FKBP5: variants seen among roughly 807,000 people sequenced by gnomAD.
FKBP5 encodes peptidyl-prolyl cis-trans isomerase FKBP5.
Under a neutral mutation model 50.5 loss-of-function variants are expected in FKBP5, and 23 were observed. The observed-to-expected ratio is 0.46, with a 90% CI of 0.33 to 0.65. The LOEUF (loss-of-function observed/expected upper bound fraction) is 0.65. Among genes scored for constraint, FKBP5 ranks in the 30% least tolerant of loss-of-function variants. The pLI, the probability that FKBP5 is intolerant of heterozygous loss-of-function variation, is 0.02. For synonymous variants in FKBP5, 176 were observed against 190.6 expected (o/e 0.92, Z 0.63); for missense variants, 411 against 553.1 (o/e 0.74, Z 2.58).
At chr6:35,670,433 A>C (rs1051314035) in intron 1 of FKBP5, among the ~76,000 whole-genome samples, 1 of 152,174 alleles carries the variant, frequency 6.6e-6, no homozygotes, top group African/African-American at 2.4e-5. Flanking sequence ...ATTAACTTAC[A>C]TAAAGTGTAT....
chr6:35,647,258 T>A (rs1581848894), intron 1 of FKBP5, among the ~76,000 whole-genome samples: 1 of 152,286 alleles, frequency 6.6e-6, no homozygotes, highest in East Asian at 1.9e-4. Flanking sequence ...TATTAGACTA[T>A]CCAAATGTTA....
chr6:35,598,827 C>T (rs1763060521), intron 5 of FKBP5, among the ~76,000 whole-genome samples: 1 of 151,838 alleles, frequency 6.6e-6, no homozygotes, highest in Admixed American at 6.6e-5. Context: ...AAAAAATAGC[C>T]AGGTGTGGTG....
At chr6:35,602,730 A>G (rs535207425) in intron 5 of FKBP5, among the ~76,000 whole-genome samples, 1 of 152,214 alleles carries the variant, frequency 6.6e-6, no homozygotes, top group South Asian at 2.1e-4. Context: ...ACTGTTTTGT[A>G]CTACTTAGGA....
intron 6 of FKBP5, among the ~76,000 whole-genome samples, chr6:35,593,422 T>C (rs962503913): frequency 3.9e-5 from 6 of 152,066 alleles, no homozygotes; most frequent in Non-Finnish European, 8.8e-5. Context: ...AGACACAGAG[T>C]GCTTCCTGAG....
intron 5 of FKBP5, among the ~76,000 whole-genome samples, chr6:35,602,993 T>A (rs1160162611): frequency 6.6e-6 from 1 of 152,222 alleles, no homozygotes; most frequent in Non-Finnish European, 1.5e-5. Context: ...TCCAGTCCCA[T>A]TCTGCCACTT....
chr6:35,583,659 G>C (rs531637497), intron 8 of FKBP5: 2 of 886,900 alleles, frequency 2.3e-6, no homozygotes, highest in African/African-American at 3.6e-5. Flanking sequence ...GCATCTAATG[G>C]GCAGAGGCCA....
chr6:35,609,571 C>T (rs1763430173), intron 5 of FKBP5, among the ~76,000 whole-genome samples: 2 of 152,118 alleles, frequency 1.3e-5, no homozygotes, highest in South Asian at 4.1e-4. Flanking sequence ...TCTTAAGAAT[C>T]TTTTTCTTTT....
chr6:35,647,396 G>A (rs1271853621), intron 1 of FKBP5, among the ~76,000 whole-genome samples: 1 of 152,218 alleles, frequency 6.6e-6, no homozygotes, highest in Non-Finnish European at 1.5e-5. Flanking sequence ...GGAAGATGCT[G>A]GGATGACAAG....
At chr6:35,722,644 C>T (rs1447716325) in intron 1 of FKBP5, among the ~76,000 whole-genome samples, 1 of 152,234 alleles carries the variant, frequency 6.6e-6, no homozygotes, top group Non-Finnish European at 1.5e-5. Context: ...CCAGTGCCCA[C>T]CAGAGAACAC....
In FKBP5 at chr6:35,591,537, GT is replaced by G. The variant is rs879860288; in HGVS notation, c.666-318del. Reference sequence around the variant, plus strand: ...TTTTCTCTACTTGATTTCATATCTAGTTTTTTTTTTTTAATAAAATGGCCAT... The same window carrying G: ...TTTTCTCTACTTGATTTCATATCTAGTTTTTTTTTTTAATAAAATGGCCAT... On this transcript the variant is annotated intron_variant, in intron 6 of 10. Coordinates refer to ENST00000357266, the MANE Select transcript of FKBP5 (RefSeq NM_004117.4). 1.6e-3 allele frequency among the ~76,000 whole-genome samples: 233 copies of G among 145,186 alleles called. 1 individual carries two copies. The highest frequency in any genetic ancestry group is 4.5e-3 in the African/African-American group (180 of 39,826).
At chr6:35,601,991 C>T (rs996185189) in intron 5 of FKBP5, among the ~76,000 whole-genome samples, 8 of 152,134 alleles carry the variant, frequency 5.3e-5, no homozygotes, top group Admixed American at 1.3e-4. Context: ...GGAGTGTAAC[C>T]ACATCAAGCG....
intron 1 of FKBP5, among the ~76,000 whole-genome samples, chr6:35,722,923 C>T (rs1766638712): frequency 6.6e-6 from 1 of 152,226 alleles, no homozygotes; most frequent in South Asian, 2.1e-4. Context: ...CACACACACA[C>T]AGTAGGTGCT....
chr6:35,588,803 A>T (rs1235351221), intron 7 of FKBP5, among the ~76,000 whole-genome samples: 1 of 143,806 alleles, frequency 7.0e-6, no homozygotes, highest in Non-Finnish European at 1.5e-5. Context: ...ACGGGGTCTC[A>T]CTATGTTGCT....
chr6:35,629,278 G>T (rs2150982960), intron 3 of FKBP5, among the ~76,000 whole-genome samples: 1 of 152,042 alleles, frequency 6.6e-6, no homozygotes. Context: ...GCTAATTTTT[G>T]TATTTTTTGT....
At chr6:35,703,966 A>T (rs984907631) in intron 2 of FKBP5, among the ~76,000 whole-genome samples, 1 of 152,102 alleles carries the variant, frequency 6.6e-6, no homozygotes, top group African/African-American at 2.4e-5. Context: ...CTGCAATGTG[A>T]TTGTAGCCAC....
At chr6:35,610,468 T>G (rs914041922) in intron 5 of FKBP5, among the ~76,000 whole-genome samples, 1 of 140,692 alleles carries the variant, frequency 7.1e-6, no homozygotes, top group Admixed American at 8.0e-5. Context: ...CTCAGGAGGC[T>G]GAGGCAGGAG....
At chr6:35,640,987 T>A (rs1032345612) in intron 2 of FKBP5, among the ~76,000 whole-genome samples, 2 of 152,108 alleles carry the variant, frequency 1.3e-5, no homozygotes, top group Non-Finnish European at 2.9e-5. Context: ...TTTTGTTTGT[T>A]CATTTGTTTT....
At chr6:35,649,523 T>C (rs944261921) in intron 1 of FKBP5, among the ~76,000 whole-genome samples, 2 of 151,146 alleles carry the variant, frequency 1.3e-5, no homozygotes, top group Admixed American at 6.6e-5. Flanking sequence ...CACTAAGCAG[T>C]GGGGATTCTC....
chr6:35,725,876 G>A (rs1053878691), intron 1 of FKBP5, among the ~76,000 whole-genome samples: 2 of 152,164 alleles, frequency 1.3e-5, no homozygotes, highest in African/African-American at 4.8e-5. Flanking sequence ...CTTCGAGGTT[G>A]GCCCTGCCTC....
Sources: allele counts gnomAD v4.1 joint callset (sites outside exome capture counted in the v4.1 genomes callset), GRCh38; gene constraint gnomAD v4.1.1; transcripts MANE v1.5; gene names NCBI Gene and HGNC (gene_info 2026-07-23, HGNC 2026-07-21).